Variants in FBF1 observed in about 807,000 individuals in gnomAD.
FBF1 encodes the protein Fas binding factor 1.
In FBF1, 119 loss-of-function variants were observed where a neutral mutation model predicts 147.2. The observed-to-expected ratio is 0.81, with a 90% CI of 0.70 to 0.94. The LOEUF is 0.94. Ranked by LOEUF, FBF1 falls within the 40% of genes least tolerant of loss-of-function variation. The probability of loss-of-function intolerance (pLI) is 0.00; values close to 1 mark genes in which losing one functional copy is unlikely to be tolerated. For missense variants in FBF1, 1,449 were observed against 1,500.8 expected (o/e 0.97, Z 0.57); for synonymous variants, 601 against 609.0 (o/e 0.99, Z 0.19).
At position 75,925,558 on chromosome 17, in the gene FBF1, A is replaced by C; in HGVS notation, c.869-112T>G. On this transcript the variant is annotated intron_variant, in intron 12 of 29. Transcript: ENST00000636174. This position sits in a 1 kb window ranked among gnomAD's most constrained non-coding sequence, Gnocchi z 5.0. ...TGGTAGCTTGTTGTGTAAGACAAGC[A>C]GAGGGAAGCTGCTGTGAAGGGAGCA... 1.1e-6 allele frequency: 1 copy of C among 909,832 alleles called. No individual in the cohort carries two copies. Among genetic ancestry groups the C allele is most frequent in the Admixed American group, 2.3e-5 (1 of 42,708 alleles). 56.4% of individuals were successfully genotyped at this position (909,832 alleles called of 1,614,324 possible).
intron 13 of FBF1, among the ~76,000 whole-genome samples, chr17:75,924,826 A>G (rs1458034773): frequency 1.3e-5 from 2 of 152,102 alleles, no homozygotes; most frequent in East Asian, 3.8e-4. Context: ...TAAAATATAT[A>G]CTGGCAAAAG....
chr17:75,922,196 G>A lies in FBF1; in HGVS notation c.1425-150C>T, dbSNP rs2065532323. 3 of 617,614 alleles carry A rather than the reference G, an allele frequency of 4.9e-6. No individual in the cohort carries two copies. The highest frequency in any genetic ancestry group is 1.9e-5 in the South Asian group (1 of 51,764). 38.3% of individuals were successfully genotyped at this position (617,614 alleles called of 1,614,324 possible). On this transcript the variant is annotated intron_variant, in intron 14 of 29. Transcript: ENST00000636174. This position sits in a 1 kb window ranked among gnomAD's most constrained non-coding sequence, Gnocchi z 5.0. ...CCGTCTTGGGGCATTCTCCTCCCACGTCTGAGCTCCTGGGATTTCTGGGCA... is the reference window on the plus strand; with the variant it reads ...CCGTCTTGGGGCATTCTCCTCCCACATCTGAGCTCCTGGGATTTCTGGGCA...
chr17:75,913,874 T>G, intron 27 of FBF1, 39 bp downstream of exon 27: 1 of 1,558,452 alleles, frequency 6.4e-7, no homozygotes, highest in Non-Finnish European at 8.6e-7. Flanking sequence ...AGGCTGGGGG[T>G]GCCGGGGGCA....
rs76034572 is a variant in FBF1, at chr17:75,929,251, G to A, written c.279+746C>T. ...TTTGGGAGGCCAAGGTAAGAGAATC[G>A]CTTAAGGCCAGGAGTTTAAGGTTGC... On this transcript the variant is annotated intron_variant, in intron 7 of 29. Coordinates refer to ENST00000636174, the MANE Select transcript of FBF1 (RefSeq NM_001319193.2). Among the ~76,000 whole-genome samples, 898 of 151,974 alleles carry A rather than the reference G, an allele frequency of 5.9e-3. 12 individuals are homozygous for A. Among genetic ancestry groups the A allele is most frequent in the African/African-American group, 0.02 (838 of 41,456 alleles).
chr17:75,917,801 C>T lies in FBF1; in HGVS notation c.2436G>A (p.Arg812=). 4 of 1,610,234 alleles carry T rather than the reference C, an allele frequency of 2.5e-6. No homozygotes were observed. Among genetic ancestry groups the T allele is most frequent in the Non-Finnish European group, 3.4e-6 (4 of 1,179,096 alleles). ...GQQQRDMEEE[R]SRQQEVIGKM... ...TCCCGATGACCTCCTGTTGCCGGCT[C>T]CGCTCCTCCTCCATGTCCCGCTGCT... Residue 812 remains arginine (R), a synonymous_variant, in exon 23 of 30, where the codon CGG becomes CGA. Transcript: ENST00000636174.
intron 7 of FBF1, 52 bp downstream of exon 7, chr17:75,929,945 A>ACTCCCCCCCC: frequency 1.5e-6 from 1 of 650,912 alleles, no homozygotes; most frequent in Non-Finnish European, 2.8e-6. Context: ...AAATATCATG[A>ACTCCCCCCCC]CCCCACCCCA....
intron 17 of FBF1, 67 bp from the exon 18 acceptor site, chr17:75,920,496 C>G (rs1308451675): frequency 2.0e-6 from 3 of 1,478,132 alleles, no homozygotes; most frequent in Non-Finnish European, 2.7e-6. Flanking sequence ...GATCAGCTAC[C>G]TCCTGGCCCA....
At chr17:75,926,667 A>C in intron 10 of FBF1, 91 bp downstream of exon 10, 1 of 1,526,216 alleles carries the variant, frequency 6.6e-7, no homozygotes, top group Non-Finnish European at 8.9e-7. Context: ...CCCACCTGGG[A>C]GAGGCCTCTG....
Position 75,917,805 on chromosome 17 carries a change from T to C in FBF1, c.2432A>G (p.Glu811Gly), listed in dbSNP as rs1181914984. ...LGQQQRDMEE[E>G]RSRQQEVIGK... ...GATGACCTCCTGTTGCCGGCTCCGC[T>C]CCTCCTCCATGTCCCGCTGCTGCTG... is the stretch of plus-strand genomic sequence containing the variant. The change falls in exon 23 of 30, where the codon GAG becomes GGG. Residue 811 changes from glutamate (E) to glycine (G), a missense_variant. By Grantham distance (98) the Glu-to-Gly change is moderately conservative. Transcript: ENST00000636174. The C allele has an allele frequency of 9.3e-6, 15 of 1,609,176 alleles. No individual in the cohort carries two copies. Among genetic ancestry groups the C allele is most frequent in the Non-Finnish European group, 1.3e-5 (15 of 1,178,824 alleles).
chr17:75,914,187 C>T lies in FBF1; in HGVS notation c.2926G>A (p.Glu976Lys). ...CGCAGGGCGGTGGCGTTGATCCTCT[C>T]CTTCTCCAGCCGCAGCTCCTGCCGC... ...QERQELRLEK[E>K]RINATALRVK... Residue 976 changes from glutamate to lysine, a missense_variant, in exon 26 of 30, where the codon GAG becomes AAG. By Grantham distance (56) the Glu-to-Lys change is moderately conservative. Coordinates refer to ENST00000636174, the MANE Select transcript of FBF1 (RefSeq NM_001319193.2). 3.8e-6 allele frequency: 6 copies of T among 1,593,212 alleles called. No homozygotes were observed. The highest frequency in any genetic ancestry group is 1.7e-4 in the Middle Eastern group (1 of 6,044).
At chr17:75,911,607 C>T (rs2065456989) in intron 29 of FBF1, among the ~76,000 whole-genome samples, 1 of 152,174 alleles carries the variant, frequency 6.6e-6, no homozygotes, top group South Asian at 2.1e-4. Context: ...CAGCCTCGAC[C>T]TCCCGGGCTT....
Position 75,938,830 on chromosome 17 carries a change from A to G in FBF1, c.-83-598T>C, listed in dbSNP as rs568320746. Among the ~76,000 whole-genome samples, 9 of 151,236 alleles carry G rather than the reference A, an allele frequency of 6.0e-5. No individual in the cohort carries two copies. The Admixed American group carries it at 6.0e-4, about 10-fold the overall frequency. On this transcript the variant is annotated intron_variant, in intron 1 of 29. Coordinates refer to ENST00000636174, the MANE Select transcript of FBF1 (RefSeq NM_001319193.2). ...GCAGTGAGCTGAGATCATGCTATGC[A>G]TTCTAGCCTGGGCAACAGAGCAAGA...
At chr17:75,926,976 G>C in intron 9 of FBF1, 99 bp from the exon 10 acceptor site, 1 of 1,481,442 alleles carries the variant, frequency 6.8e-7, no homozygotes, top group Non-Finnish European at 9.1e-7. Flanking sequence ...GCTTCTAGCT[G>C]CTCCAGTACA....
Position 75,919,674 on chromosome 17 carries a change from A to G in FBF1, c.2132T>C (p.Leu711Pro). Reference sequence around the variant, plus strand: ...GCCTGTCCCTGGGCCTCACCGCTGCAGCTCCCGGAGCCGCTCCATTTCCTG... The same window carrying G: ...GCCTGTCCCTGGGCCTCACCGCTGCGGCTCCCGGAGCCGCTCCATTTCCTG... ...KDQEMERLRE[L>P]QRASILDMRR... The change falls in exon 20 of 30, where the codon CTG becomes CCG. Residue 711 changes from leucine to proline, a missense_variant. Coordinates refer to ENST00000636174, the MANE Select transcript of FBF1 (RefSeq NM_001319193.2). This position sits in a 1 kb window ranked among gnomAD's most constrained non-coding sequence, Gnocchi z 5.0. The G allele has an allele frequency of 6.2e-7, 1 of 1,600,480 alleles. No homozygotes were observed. Among genetic ancestry groups the G allele is most frequent in the East Asian group, 2.3e-5 (1 of 44,326 alleles).
Position 75,914,194 on chromosome 17 carries a change from C to T in FBF1, c.2919G>A (p.Leu973=). 6.3e-7 allele frequency: 1 copy of T among 1,594,346 alleles called. No homozygotes were observed. The highest frequency in any genetic ancestry group is 8.5e-7 in the Non-Finnish European group (1 of 1,173,098). Residue 973 remains leucine (L), a synonymous_variant, in exon 26 of 30, where the codon CTG becomes CTA. Coordinates refer to ENST00000636174, the MANE Select transcript of FBF1 (RefSeq NM_001319193.2). ...CGGTGGCGTTGATCCTCTCCTTCTC[C>T]AGCCGCAGCTCCTGCCGCTCCTGCT... ...ALEQERQELR[L]EKERINATAL... is the part of the protein sequence containing the mutation.
Position 75,926,011 on chromosome 17 carries a change from C to T in FBF1, c.868+19G>A. The T allele has an allele frequency of 3.1e-6, 5 of 1,589,718 alleles. No homozygotes were observed. The highest frequency in any genetic ancestry group is 2.2e-5 in the East Asian group (1 of 44,514). On this transcript the variant is annotated intron_variant, in intron 12 of 29. Coordinates refer to ENST00000636174, the MANE Select transcript of FBF1 (RefSeq NM_001319193.2). ...AGGCCTCCCTCCCGTCCTGTTGCGG[C>T]CCCCGCAAGCCTCCTTACCCTGTGG...
Position 75,919,626 on chromosome 17 carries a change from C to A in FBF1, c.2138+42G>T. 1 of 1,554,158 alleles carries A rather than the reference C, an allele frequency of 6.4e-7. No homozygotes were observed. Among genetic ancestry groups the A allele is most frequent in the South Asian group, 1.2e-5 (1 of 85,228 alleles). ...TGGGGATGGCTCTCTTCCGGCTACT[C>A]CTTGCAAGCCTGCTCCCCAGCTGCC... On this transcript the variant is annotated intron_variant, in intron 20 of 29. Coordinates refer to ENST00000636174, the MANE Select transcript of FBF1 (RefSeq NM_001319193.2). The surrounding 1 kb of genome is among the most constrained non-coding windows in gnomAD (Gnocchi z 5.0).
chr17:75,926,209 C>G, intron 11 of FBF1, 46 bp from the exon 12 acceptor site: 1 of 1,604,302 alleles, frequency 6.2e-7, no homozygotes, highest in Non-Finnish European at 8.5e-7. Context: ...ATGAGGGGCT[C>G]TCGGGAATCC....
rs1365623994 is a variant in FBF1, at chr17:75,928,610, C to A, written c.280-417G>T. On this transcript the variant is annotated intron_variant, in intron 7 of 29. Coordinates refer to ENST00000636174, the MANE Select transcript of FBF1 (RefSeq NM_001319193.2). The surrounding 1 kb of genome is among the most constrained non-coding windows in gnomAD (Gnocchi z 4.2). Reference sequence around the variant, plus strand: ...GGATCACCAGGTCAAGAAATCGAGACCATCCTGGCCAACATGATGAAACCC... The same window carrying A: ...GGATCACCAGGTCAAGAAATCGAGAACATCCTGGCCAACATGATGAAACCC... 6.6e-6 allele frequency among the ~76,000 whole-genome samples: 1 copy of A among 152,018 alleles called. No homozygotes were observed. Among genetic ancestry groups the A allele is most frequent in the Non-Finnish European group, 1.5e-5 (1 of 68,020 alleles).
Sources: allele counts gnomAD v4.1 joint callset (sites outside exome capture counted in the v4.1 genomes callset), GRCh38; gene constraint gnomAD v4.1.1; non-coding constraint Gnocchi (gnomAD v3.1); transcripts MANE v1.5; gene names NCBI Gene and HGNC (gene_info 2026-07-23, HGNC 2026-07-21).